COL4A6: variants seen among roughly 807,000 people sequenced by gnomAD.
The protein encoded by COL4A6 is collagen alpha-6(IV) chain.
COL4A6 carries 59 observed loss-of-function variants against 126.7 expected under a neutral mutation model. The ratio of observed to expected loss-of-function variants is 0.47; its 90% CI spans 0.38 to 0.58. COL4A6 has a LOEUF of 0.58. COL4A6 is among the 20% of genes least tolerant of loss of function. The pLI is 0.00. For missense variants in COL4A6, 1,285 were observed against 1,337.3 expected (o/e 0.96, Z 0.61); for synonymous variants, 547 against 496.6 (o/e 1.10, Z -1.35).
intron 2 of COL4A6, among the ~76,000 whole-genome samples, chrX:108,311,430 G>A (rs188654857): frequency 9.1e-6 from 1 of 109,826 alleles, no homozygotes; most frequent in South Asian, 4.0e-4. Context: ...CTGATTGATC[G>A]TGATGATTGC....
chrX:108,393,953 C>A (rs1027096302), intron 2 of COL4A6, among the ~76,000 whole-genome samples: 1 of 111,724 alleles, frequency 9.0e-6, no homozygotes, highest in Non-Finnish European at 1.9e-5. Flanking sequence ...ATAAATCATT[C>A]TACTATAAAG....
chrX:108,264,395 T>C (rs1474986725), intron 3 of COL4A6, among the ~76,000 whole-genome samples: 1 of 112,008 alleles, frequency 8.9e-6, no homozygotes, highest in East Asian at 2.8e-4. Flanking sequence ...TATGTTCTTG[T>C]TTGTATATCC....
In COL4A6 at chrX:108,160,803, C is replaced by G. The variant is rs2033907609; in HGVS notation, c.4334-149G>C. 14 of 480,398 alleles carry G rather than the reference C, an allele frequency of 2.9e-5. No individual in the cohort carries two copies. In the East Asian group the frequency reaches 6.1e-4, roughly 21 times the overall value. The allele number at this position is 480,398 out of a possible 1,213,427, so 39.6% of individuals were successfully genotyped here. ...ATGACCCTGGAAAATGGTATTACCA[C>G]CCCAATTTTTAGATGAAGAAATTGA... is the stretch of plus-strand genomic sequence containing the variant. On this transcript the variant is annotated intron_variant, in intron 42 of 44. Transcript: ENST00000334504.
intron 16 of COL4A6, 82 bp from the exon 17 acceptor site, chrX:108,193,779 A>G: frequency 1.2e-6 from 1 of 816,198 alleles, no homozygotes; most frequent in Non-Finnish European, 1.8e-6. Flanking sequence ...GCCCATCCCT[A>G]GGAAAATGAA....
chrX:108,400,545 C>A (rs2041064182), intron 2 of COL4A6, among the ~76,000 whole-genome samples: 1 of 111,352 alleles, frequency 9.0e-6, no homozygotes, highest in Non-Finnish European at 1.9e-5. Context: ...CCTCATCTCA[C>A]CTGAACCCCA....
At chrX:108,364,142 G>C (rs1455672304) in intron 2 of COL4A6, among the ~76,000 whole-genome samples, 1 of 110,853 alleles carries the variant, frequency 9.0e-6, no homozygotes, top group Non-Finnish European at 1.9e-5. Context: ...AAAGTGCTGG[G>C]ATTACAGGTG....
chrX:108,400,573 C>A (rs1261808803), intron 2 of COL4A6, among the ~76,000 whole-genome samples: 4 of 111,118 alleles, frequency 3.6e-5, no homozygotes, highest in Non-Finnish European at 7.6e-5. Context: ...ATGCCTTTTG[C>A]AATTTACAAT....
At chrX:108,310,924 A>G (rs1163346493) in intron 2 of COL4A6, 96 bp from the exon 3 acceptor site, 5 of 641,802 alleles carry the variant, frequency 7.8e-6, no homozygotes, top group Non-Finnish European at 1.2e-5. Flanking sequence ...AAGTAAATCT[A>G]TTGCGGCTTA....
chrX:108,365,598 G>T (rs1046150073), intron 2 of COL4A6, among the ~76,000 whole-genome samples: 7 of 112,222 alleles, frequency 6.2e-5, no homozygotes, highest in African/African-American at 2.3e-4. Context: ...ATAGTTTTCA[G>T]TAGCAAGACA....
rs1471818004 is a variant in COL4A6, at chrX:108,156,668, G to A, written c.*332C>T. 1.7e-5 allele frequency: 5 copies of A among 286,634 alleles called. No homozygotes were observed. The highest frequency in any genetic ancestry group is 9.4e-5 in the South Asian group (1 of 10,616). 23.6% of individuals were successfully genotyped at this position (286,634 alleles called of 1,213,427 possible). ...GATTAGCGATTAGGAAGAGCTTTCCGATCAAGACGGTAAGGAGAAAGCTAG... is the reference window on the plus strand; with the variant it reads ...GATTAGCGATTAGGAAGAGCTTTCCAATCAAGACGGTAAGGAGAAAGCTAG... On this transcript the variant is annotated 3_prime_UTR_variant, in exon 45 of 45. Coordinates refer to ENST00000334504, the MANE Select transcript of COL4A6 (RefSeq NM_033641.4).
intron 2 of COL4A6, among the ~76,000 whole-genome samples, chrX:108,382,716 G>A (rs1051837042): frequency 1.8e-5 from 2 of 110,148 alleles, no homozygotes; most frequent in African/African-American, 6.6e-5. Context: ...GCAGGCAGAG[G>A]TGGGTGGATC....
chrX:108,409,480 G>A (rs28479128), intron 2 of COL4A6, among the ~76,000 whole-genome samples: 8,786 of 111,543 alleles, frequency 0.079, 757 homozygotes, highest in African/African-American at 0.25. Context: ...ATCCTGAGAG[G>A]TGAGTACTAT....
At position 108,428,591 on chromosome X, in the gene COL4A6, G is replaced by A. The variant is rs181209180; in HGVS notation, c.63+9351C>T. Among the ~76,000 whole-genome samples, 141 of 110,784 alleles carry A rather than the reference G, an allele frequency of 1.3e-3. 2 individuals are homozygous for A. Among genetic ancestry groups the A allele is most frequent in the Admixed American group, 0.011 (114 of 10,370 alleles). ...TTATTGGGTACTAGGCTTAGTACTGGGGTGATGAAATAATCTGTACAACAA... is the reference window on the plus strand; with the variant it reads ...TTATTGGGTACTAGGCTTAGTACTGAGGTGATGAAATAATCTGTACAACAA... On this transcript the variant is annotated intron_variant, in intron 2 of 44. Transcript: ENST00000334504.
intron 2 of COL4A6, among the ~76,000 whole-genome samples, chrX:108,324,156 CAG>C (rs2039096815): frequency 8.9e-6 from 1 of 112,273 alleles, no homozygotes; most frequent in South Asian, 3.7e-4. Context: ...GATTCCAGGA[CAG>C]AGACTGTGTC....
At chrX:108,324,414 T>C (rs2039103132) in intron 2 of COL4A6, among the ~76,000 whole-genome samples, 1 of 112,133 alleles carries the variant, frequency 8.9e-6, no homozygotes. Flanking sequence ...ATAATGTTCT[T>C]AAAATAGAAG....
chrX:108,327,658 G>C (rs1250986123), intron 2 of COL4A6, among the ~76,000 whole-genome samples: 2 of 110,215 alleles, frequency 1.8e-5, no homozygotes, highest in East Asian at 5.7e-4. Context: ...GCAGAGAAGA[G>C]TGAGAGAAGG....
chrX:108,160,346 A>G, intron 43 of COL4A6, 117 bp downstream of exon 43: 1 of 721,489 alleles, frequency 1.4e-6, no homozygotes, highest in Non-Finnish European at 2.1e-6. Context: ...TCCAGAGCTG[A>G]TGCTTGTAAC....
intron 3 of COL4A6, among the ~76,000 whole-genome samples, chrX:108,237,995 T>C (rs775896056): frequency 9.1e-6 from 1 of 109,565 alleles, no homozygotes; most frequent in Non-Finnish European, 1.9e-5. Flanking sequence ...TCTATCTCTA[T>C]GTGTCTCTAT....
In COL4A6 at chrX:108,428,718, G is replaced by C. The variant is rs141365498; in HGVS notation, c.63+9224C>G. Among the ~76,000 whole-genome samples, 216 of 111,290 alleles carry C rather than the reference G, an allele frequency of 1.9e-3. 2 individuals carry two copies. Among genetic ancestry groups the C allele is most frequent in the East Asian group, 0.015 (54 of 3,535 alleles). On this transcript the variant is annotated intron_variant, in intron 2 of 44. Transcript: ENST00000334504. The stretch of plus-strand genomic sequence containing the variant: ...AAAGATTCATGGGTTCAGGAAGGTA[G>C]AGGAAAATGTGACCAGGATGAGGAG...
Sources: allele counts gnomAD v4.1 joint callset (sites outside exome capture counted in the v4.1 genomes callset), GRCh38; gene constraint gnomAD v4.1.1; transcripts MANE v1.5; gene names NCBI Gene and HGNC (gene_info 2026-07-23, HGNC 2026-07-21).